CNTN1: variants seen among roughly 807,000 people sequenced by gnomAD.
The protein encoded by CNTN1 is contactin-1.
A neutral mutation model predicts 126.4 loss-of-function variants in CNTN1; 38 were observed. The ratio of observed to expected loss-of-function variants is 0.30; its 90% CI spans 0.23 to 0.39. The LOEUF (loss-of-function observed/expected upper bound fraction) is 0.39, where lower values mean the gene tolerates loss of function less well. CNTN1 is among the 10% of genes least tolerant of loss of function. The pLI, the probability that CNTN1 is intolerant of heterozygous loss-of-function variation, is 1.00. For synonymous variants in CNTN1, 413 were observed against 422.6 expected (o/e 0.98, Z 0.28); for missense variants, 1,009 against 1,248.4 (o/e 0.81, Z 2.89).
At chr12:40,862,398 T>C (rs312279) in intron 1 of CNTN1, among the ~76,000 whole-genome samples, 100,045 of 152,090 alleles carry the variant, frequency 0.66, 33,878 homozygotes, top group African/African-American at 0.83. Flanking sequence ...TTTCTTAAAA[T>C]GTGGGTTTCC....
At chr12:41,055,255 G>C (rs1949778183) in intron 23 of CNTN1, among the ~76,000 whole-genome samples, 1 of 152,090 alleles carries the variant, frequency 6.6e-6, no homozygotes, top group African/African-American at 2.4e-5. Context: ...CAGTGGCTTA[G>C]AATAAGAGTT....
At chr12:41,008,296 A>G (rs956265763) in intron 17 of CNTN1, among the ~76,000 whole-genome samples, 2 of 152,232 alleles carry the variant, frequency 1.3e-5, no homozygotes, top group Non-Finnish European at 2.9e-5. Flanking sequence ...ATAGGCCACA[A>G]TCATAACAGT....
intron 16 of CNTN1, among the ~76,000 whole-genome samples, chr12:40,989,005 T>C (rs1344098422): frequency 6.6e-6 from 1 of 152,168 alleles, no homozygotes; most frequent in Non-Finnish European, 1.5e-5. Flanking sequence ...TACTTTACTC[T>C]CTTTCTGGCT....
chr12:40,809,352 A>C (rs554026102), intron 1 of CNTN1, among the ~76,000 whole-genome samples: 2 of 152,322 alleles, frequency 1.3e-5, no homozygotes, highest in South Asian at 4.1e-4. Context: ...ATGTTTTACA[A>C]AATAACTTGC....
chr12:40,911,133 T>C (rs1416016579), intron 3 of CNTN1, among the ~76,000 whole-genome samples: 1 of 152,076 alleles, frequency 6.6e-6, no homozygotes, highest in Non-Finnish European at 1.5e-5. Flanking sequence ...CAGGCTGGAG[T>C]GCAGCGGCGC....
At chr12:40,716,283 C>T (rs1315224661) in intron 1 of CNTN1, among the ~76,000 whole-genome samples, 2 of 150,964 alleles carry the variant, frequency 1.3e-5, no homozygotes, top group African/African-American at 2.4e-5. Context: ...CTCCTCCTTT[C>T]CTTCCTCTCT....
intron 1 of CNTN1, among the ~76,000 whole-genome samples, chr12:40,806,235 T>C (rs1443817414): frequency 6.6e-6 from 1 of 152,132 alleles, no homozygotes; most frequent in Non-Finnish European, 1.5e-5. Flanking sequence ...AAGGCCAAGC[T>C]ACCTTATATA....
chr12:40,857,379 A>G (rs1469579621), intron 1 of CNTN1, among the ~76,000 whole-genome samples: 1 of 152,154 alleles, frequency 6.6e-6, no homozygotes. Flanking sequence ...TTAGTGGAAA[A>G]GAATTTGATA....
chr12:40,724,633 G>A lies in CNTN1; in HGVS notation c.-77+32041G>A, dbSNP rs1049049688. 2.6e-5 allele frequency among the ~76,000 whole-genome samples: 4 copies of A among 152,058 alleles called. 1 individual carries two copies. In the South Asian group the frequency reaches 6.2e-4, roughly 24 times the overall value. On this transcript the variant is annotated intron_variant, in intron 1 of 23. Coordinates refer to ENST00000551295, the MANE Select transcript of CNTN1 (RefSeq NM_001843.4). ...ATTGAAAATGCACAGACTGTCCTCC[G>A]TGATCATGAGCAAACAGAAGAACAC...
Position 40,950,226 on chromosome 12 carries a change from A to G in CNTN1, c.1683+6056A>G, listed in dbSNP as rs1320941353. ...TAGTATTATCTGGCCCAAATTATCG[A>G]TAGAACCAAGCTTGAGAAACGTCCT... is the stretch of plus-strand genomic sequence containing the variant. On this transcript the variant is annotated intron_variant, in intron 14 of 23. Transcript: ENST00000551295. Among the ~76,000 whole-genome samples the G allele has an allele frequency of 2.6e-5, 4 of 151,996 alleles. No individual in the cohort carries two copies. In the East Asian group the frequency reaches 7.7e-4, roughly 29 times the overall value.
At chr12:40,819,361 C>A (rs1333129934) in intron 1 of CNTN1, among the ~76,000 whole-genome samples, 1 of 152,154 alleles carries the variant, frequency 6.6e-6, no homozygotes, top group Non-Finnish European at 1.5e-5. Flanking sequence ...GCTCTGAATT[C>A]TGTCCCTGAG....
intron 23 of CNTN1, among the ~76,000 whole-genome samples, chr12:41,059,779 C>T (rs987922698): frequency 2.0e-5 from 3 of 152,150 alleles, no homozygotes; most frequent in Non-Finnish European, 2.9e-5. Flanking sequence ...AATCCGAGTA[C>T]TTTGCAGGGT....
intron 16 of CNTN1, among the ~76,000 whole-genome samples, chr12:40,987,886 T>C (rs1947999603): frequency 6.6e-6 from 1 of 152,138 alleles, no homozygotes; most frequent in Non-Finnish European, 1.5e-5. Context: ...AGTATTAGTA[T>C]TATCTTTTTA....
intron 17 of CNTN1, among the ~76,000 whole-genome samples, chr12:41,011,534 A>ATCC (rs1386409337): frequency 1.3e-5 from 2 of 152,198 alleles, no homozygotes; most frequent in African/African-American, 4.8e-5. Context: ...GGTTCCTGGC[A>ATCC]TCCTGGCACC....
intron 1 of CNTN1, among the ~76,000 whole-genome samples, 153 bp downstream of exon 1, chr12:40,692,745 G>C (rs1381799333): frequency 6.6e-6 from 1 of 152,276 alleles, no homozygotes; most frequent in African/African-American, 2.4e-5. Context: ...GGAAGGACTG[G>C]GGCGGAGGTG....
Position 40,725,030 on chromosome 12 carries a change from C to T in CNTN1, c.-77+32438C>T, listed in dbSNP as rs907904676. Among the ~76,000 whole-genome samples the T allele has an allele frequency of 2.0e-5, 3 of 152,166 alleles. 1 individual carries two copies. Among genetic ancestry groups the T allele is most frequent in the Non-Finnish European group, 4.4e-5 (3 of 68,034 alleles). Reference sequence around the variant, plus strand: ...GACATGTGACCAAGAAAGACTTGTTCCACTTACCTTGACTAAATTTGCTTC... The same window carrying T: ...GACATGTGACCAAGAAAGACTTGTTTCACTTACCTTGACTAAATTTGCTTC... On this transcript the variant is annotated intron_variant, in intron 1 of 23. Coordinates refer to ENST00000551295, the MANE Select transcript of CNTN1 (RefSeq NM_001843.4).
At chr12:41,009,942 T>C (rs575366384) in intron 17 of CNTN1, among the ~76,000 whole-genome samples, 1 of 152,132 alleles carries the variant, frequency 6.6e-6, no homozygotes. Context: ...CTCTACCTAA[T>C]AAAGGAGTGG....
intron 23 of CNTN1, among the ~76,000 whole-genome samples, chr12:41,045,433 T>A (rs1247389280): frequency 6.6e-6 from 1 of 152,154 alleles, no homozygotes; most frequent in Admixed American, 6.6e-5. Context: ...TTATTCACTA[T>A]AACATAAATT....
intron 1 of CNTN1, among the ~76,000 whole-genome samples, chr12:40,748,519 A>C (rs1938272128): frequency 6.6e-6 from 1 of 152,184 alleles, no homozygotes; most frequent in Non-Finnish European, 1.5e-5. Flanking sequence ...TATTGTACAT[A>C]TTCTCAGAAT....
Sources: allele counts gnomAD v4.1 joint callset (sites outside exome capture counted in the v4.1 genomes callset), GRCh38; gene constraint gnomAD v4.1.1; transcripts MANE v1.5; gene names NCBI Gene and HGNC (gene_info 2026-07-23, HGNC 2026-07-21).